Variants in CNTN6 observed in about 807,000 individuals in gnomAD.
CNTN6 encodes contactin-6.
In CNTN6, 137 loss-of-function variants were observed where a neutral mutation model predicts 122.8. The ratio of observed to expected loss-of-function variants is 1.12; its 90% confidence interval spans 0.97 to 1.29. The LOEUF (loss-of-function observed/expected upper bound fraction) is 1.29. CNTN6 is among the 50% of genes most tolerant of loss of function. The probability of loss-of-function intolerance (pLI) is 0.00; values close to 1 mark genes in which losing one functional copy is unlikely to be tolerated. For synonymous variants in CNTN6, 570 were observed against 426.0 expected (o/e 1.34, Z -4.16); for missense variants, 1,634 against 1,223.4 (o/e 1.34, Z -5.01).
At chr3:1,160,556 G>C (rs1227858774) in intron 2 of CNTN6, among the ~76,000 whole-genome samples, 2 of 150,266 alleles carry the variant, frequency 1.3e-5, no homozygotes, top group African/African-American at 4.9e-5. Flanking sequence ...ACTCATGATG[G>C]ACCTTGGTGT....
At chr3:1,268,531 C>T (rs941609046) in intron 4 of CNTN6, among the ~76,000 whole-genome samples, 6 of 146,646 alleles carry the variant, frequency 4.1e-5, no homozygotes, top group South Asian at 2.2e-4. Context: ...GGCGTGAACC[C>T]GGGAGGAGGA....
At position 1,277,409 on chromosome 3, in the gene CNTN6, G is replaced by T. The variant is rs147607469; in HGVS notation, c.359-1004G>T. ...GATTCTGGCTCTGTCTCTCAGGCTG[G>T]AGTACAGTGGCGCAATCTCGGCTCA... On this transcript the variant is annotated intron_variant, in intron 4 of 22. Transcript: ENST00000446702. Among the ~76,000 whole-genome samples, 446 of 122,720 alleles carry T rather than the reference G, an allele frequency of 3.6e-3. 5 individuals carry two copies. The highest frequency in any genetic ancestry group is 9.5e-3 in the African/African-American group (319 of 33,532). 80.5% of individuals were successfully genotyped at this position (122,720 alleles called of 152,430 possible).
intron 2 of CNTN6, among the ~76,000 whole-genome samples, chr3:1,153,154 C>T (rs918690238): frequency 6.6e-6 from 1 of 152,006 alleles, no homozygotes; most frequent in African/African-American, 2.4e-5. Flanking sequence ...GGACTGAATA[C>T]CTATTTGGTT....
intron 2 of CNTN6, among the ~76,000 whole-genome samples, chr3:1,211,262 G>A (rs1318329081): frequency 6.6e-6 from 1 of 152,080 alleles, no homozygotes; most frequent in Non-Finnish European, 1.5e-5. Context: ...CTTATCCCTG[G>A]GTGAAACCTG....
At chr3:1,267,019 A>AATT (rs1293175489) in intron 4 of CNTN6, among the ~76,000 whole-genome samples, 1 of 141,570 alleles carries the variant, frequency 7.1e-6, no homozygotes, top group African/African-American at 2.7e-5. Context: ...AGGTTCAAGC[A>AATT]ATTCTTCTGC....
At chr3:1,327,961 C>G (rs1428491924) in intron 10 of CNTN6, among the ~76,000 whole-genome samples, 1 of 151,954 alleles carries the variant, frequency 6.6e-6, no homozygotes, top group Middle Eastern at 3.4e-3. Context: ...TATTTTATCT[C>G]TTAGCAAGAG....
chr3:1,393,527 T>C (rs898981349), intron 20 of CNTN6, among the ~76,000 whole-genome samples: 98 of 141,788 alleles, frequency 6.9e-4, no homozygotes, highest in African/African-American at 2.5e-3. Context: ...CTGCACGTTG[T>C]GCACATGTAC....
At chr3:1,323,166 A>G (rs1701095349) in intron 8 of CNTN6, among the ~76,000 whole-genome samples, 1 of 151,798 alleles carries the variant, frequency 6.6e-6, no homozygotes, top group African/African-American at 2.4e-5. Context: ...ACATTCACTT[A>G]TAGAATTCTT....
intron 2 of CNTN6, among the ~76,000 whole-genome samples, chr3:1,174,259 G>A (rs543043359): frequency 6.6e-6 from 1 of 152,244 alleles, no homozygotes; most frequent in African/African-American, 2.4e-5. Flanking sequence ...TACAGCCAGA[G>A]GTAAAGCTAA....
chr3:1,156,991 C>T (rs981342738), intron 2 of CNTN6, among the ~76,000 whole-genome samples: 5 of 151,614 alleles, frequency 3.3e-5, no homozygotes, highest in African/African-American at 1.2e-4. Context: ...GCTGGGATTA[C>T]AGGCATGAGT....
intron 4 of CNTN6, among the ~76,000 whole-genome samples, chr3:1,268,976 G>C (rs1416459793): frequency 6.6e-6 from 1 of 152,098 alleles, no homozygotes; most frequent in Non-Finnish European, 1.5e-5. Context: ...GTGAGACCCT[G>C]TCTCAAAAGT....
intron 12 of CNTN6, among the ~76,000 whole-genome samples, chr3:1,371,701 T>C (rs756020502): frequency 1.1e-4 from 16 of 152,288 alleles, no homozygotes; most frequent in Non-Finnish European, 1.6e-4. Context: ...GTTTTTATGA[T>C]GGATGCATAA....
At chr3:1,152,107 A>G (rs1382523365) in intron 2 of CNTN6, among the ~76,000 whole-genome samples, 1 of 151,812 alleles carries the variant, frequency 6.6e-6, no homozygotes, top group Non-Finnish European at 1.5e-5. Context: ...TCATGAGGAA[A>G]TATTTTATTT....
At chr3:1,359,624 A>G (rs565473529) in intron 12 of CNTN6, among the ~76,000 whole-genome samples, 1 of 152,236 alleles carries the variant, frequency 6.6e-6, no homozygotes, top group South Asian at 2.1e-4. Context: ...CTGCATGTAG[A>G]TTTTAATCTG....
chr3:1,403,167 T>G (rs1695946847), intron 22 of CNTN6, 151 bp from the exon 23 acceptor site: 1 of 551,834 alleles, frequency 1.8e-6, no homozygotes, highest in Non-Finnish European at 3.2e-6. Context: ...GTAAGGCACT[T>G]TCTAAAATTA....
At position 1,251,634 on chromosome 3, in the gene CNTN6, C is replaced by T. The variant is rs192507911; in HGVS notation, c.358+23641C>T. On this transcript the variant is annotated intron_variant, in intron 4 of 22. Coordinates refer to ENST00000446702, the MANE Select transcript of CNTN6 (RefSeq NM_001289080.2). ...CTTTCACTTTCCAATTAATGACCAC[C>T]GACATCAGTGGTCCATTCAGTGGGC... is the stretch of plus-strand genomic sequence containing the variant. Among the ~76,000 whole-genome samples, 100 of 152,120 alleles carry T rather than the reference C, an allele frequency of 6.6e-4. 3 individuals carry two copies. The East Asian group carries it at 7.8e-3, about 12-fold the overall frequency.
chr3:1,124,896 C>T (rs1369993965), intron 1 of CNTN6, among the ~76,000 whole-genome samples: 2 of 152,014 alleles, frequency 1.3e-5, no homozygotes, highest in African/African-American at 4.8e-5. Flanking sequence ...ATTAAAATCA[C>T]GTGTTAATTT....
intron 12 of CNTN6, among the ~76,000 whole-genome samples, chr3:1,367,742 G>A (rs1417460223): frequency 6.6e-6 from 1 of 152,102 alleles, no homozygotes; most frequent in African/African-American, 2.4e-5. Flanking sequence ...GGTAGTCATA[G>A]TCCTGGAGTC....
intron 12 of CNTN6, among the ~76,000 whole-genome samples, chr3:1,353,033 T>A (rs1395821057): frequency 6.6e-6 from 1 of 151,748 alleles, no homozygotes; most frequent in African/African-American, 2.4e-5. Flanking sequence ...ACTTTACTTT[T>A]AAGATTTCTA....
Sources: allele counts gnomAD v4.1 joint callset (sites outside exome capture counted in the v4.1 genomes callset), GRCh38; gene constraint gnomAD v4.1.1; transcripts MANE v1.5; gene names NCBI Gene and HGNC (gene_info 2026-07-23, HGNC 2026-07-21).